Variants in TMEM217 observed in about 807,000 individuals in gnomAD.
The protein encoded by TMEM217 is transmembrane protein 217, also known as chromosome 6 open reading frame 128.
For missense variants in TMEM217, 204 were observed against 248.8 expected (o/e 0.82, Z 1.21); for synonymous variants, 76 against 88.3 (o/e 0.86, Z 0.78).
intron 1 of TMEM217, among the ~76,000 whole-genome samples, chr6:37,227,161 A>C (rs1407479716): frequency 2.0e-5 from 3 of 152,168 alleles, no homozygotes; most frequent in Non-Finnish European, 4.4e-5. Flanking sequence ...GGATTTTTGA[A>C]TCCACTGAGC....
chr6:37,244,209 A>T (rs1764941049), intron 1 of TMEM217, among the ~76,000 whole-genome samples: 1 of 152,234 alleles, frequency 6.6e-6, no homozygotes, highest in South Asian at 2.1e-4. Flanking sequence ...TGTAAACTAA[A>T]TTCTTTCCAA....
At chr6:37,213,348 G>A (rs376051844), downstream of TMEM217, among the ~76,000 whole-genome samples, 58 of 152,328 alleles carry the variant, frequency 3.8e-4, no homozygotes, top group Middle Eastern at 3.4e-3. Flanking sequence ...TGGTATGAAC[G>A]AAGCTCCCAT....
chr6:37,213,870 T>C (rs1763042136), downstream of TMEM217, among the ~76,000 whole-genome samples: 1 of 152,220 alleles, frequency 6.6e-6, no homozygotes, highest in South Asian at 2.1e-4. Flanking sequence ...TTCACTACAC[T>C]GGCGAGCTAC....
In TMEM217 at chr6:37,257,637, C is replaced by T. The variant is rs562922203; in HGVS notation, c.-81G>A. 1.1e-4 allele frequency: 48 copies of T among 450,612 alleles called. 1 individual carries two copies. In the South Asian group the frequency reaches 1.5e-3, roughly 14 times the overall value. The allele number at this position is 450,612 out of a possible 1,614,324, so 27.9% of individuals were successfully genotyped here. ...CGGCTCGTCCAAGCTCCGCCTTCCC[C>T]GTCCACCTGTGTGCCCAGCCCCTGA... On this transcript the variant is annotated 5_prime_UTR_variant, in exon 1 of 2. Coordinates refer to ENST00000357219, the Ensembl canonical transcript of TMEM217.
At chr6:37,252,783 T>G (rs1223272857) in intron 1 of TMEM217, among the ~76,000 whole-genome samples, 4 of 151,182 alleles carry the variant, frequency 2.6e-5, no homozygotes, top group African/African-American at 9.7e-5. Context: ...GGACCACAGG[T>G]GTGTGCCACC....
chr6:37,218,782 C>G, exon 2 of TMEM217: 1 of 1,614,094 alleles, frequency 6.2e-7, no homozygotes, highest in Non-Finnish European at 8.5e-7. Flanking sequence ...ACACTGAGTA[C>G]AGGAGGAAGC....
At chr6:37,232,858 T>C (rs1215770742) in intron 1 of TMEM217, among the ~76,000 whole-genome samples, 1 of 152,228 alleles carries the variant, frequency 6.6e-6, no homozygotes, top group African/African-American at 2.4e-5. Flanking sequence ...TTCTCTCACC[T>C]GTCTGGCAAC....
chr6:37,256,312 G>C (rs1765723906), intron 1 of TMEM217, among the ~76,000 whole-genome samples: 2 of 152,194 alleles, frequency 1.3e-5, no homozygotes, highest in African/African-American at 4.8e-5. Context: ...CTCTTCTAAA[G>C]TCCAAACAGC....
At chr6:37,249,480 C>A (rs2113917807) in intron 1 of TMEM217, among the ~76,000 whole-genome samples, 1 of 152,202 alleles carries the variant, frequency 6.6e-6, no homozygotes, top group East Asian at 1.9e-4. Flanking sequence ...CCACCATGCC[C>A]AGATAATTTT....
intron 1 of TMEM217, among the ~76,000 whole-genome samples, chr6:37,245,266 A>G (rs185640187): frequency 2.0e-4 from 31 of 152,346 alleles, no homozygotes; most frequent in African/African-American, 6.7e-4. Flanking sequence ...GGGTCACTGA[A>G]GACACTGCCA....
chr6:37,254,736 T>G (rs551237101), intron 1 of TMEM217, among the ~76,000 whole-genome samples: 1 of 152,304 alleles, frequency 6.6e-6, no homozygotes, highest in East Asian at 1.9e-4. Flanking sequence ...TTCTAGGTGC[T>G]GGGGATACAG....
intron 1 of TMEM217, among the ~76,000 whole-genome samples, chr6:37,245,357 A>C (rs1220544978): frequency 6.6e-6 from 1 of 152,212 alleles, no homozygotes. Flanking sequence ...TGCCACAGCT[A>C]TTCTCCCAAA....
downstream of TMEM217, chr6:37,215,102 C>A: frequency 6.6e-7 from 1 of 1,515,180 alleles, no homozygotes; most frequent in Non-Finnish European, 8.9e-7. Flanking sequence ...TCTCCACCCT[C>A]GGCACCTCTC....
At chr6:37,234,089 G>A (rs1764352015) in intron 1 of TMEM217, among the ~76,000 whole-genome samples, 3 of 144,182 alleles carry the variant, frequency 2.1e-5, no homozygotes, top group African/African-American at 7.8e-5. Flanking sequence ...GGTAGGTTAG[G>A]TGTATTAAAT....
downstream of TMEM217, among the ~76,000 whole-genome samples, chr6:37,215,610 A>C (rs1048499397): frequency 5.3e-5 from 8 of 151,286 alleles, no homozygotes; most frequent in Admixed American, 4.0e-4. Flanking sequence ...AAGAAAAGAA[A>C]AAAGAAAACT....
At chr6:37,228,816 T>C (rs1763993595) in intron 1 of TMEM217, among the ~76,000 whole-genome samples, 1 of 150,950 alleles carries the variant, frequency 6.6e-6, no homozygotes, top group African/African-American at 2.4e-5. Context: ...ACTAACACGG[T>C]GAAACCCCGT....
chr6:37,242,262 T>C (rs1289207104), intron 1 of TMEM217, among the ~76,000 whole-genome samples: 1 of 152,344 alleles, frequency 6.6e-6, no homozygotes, highest in South Asian at 2.1e-4. Context: ...CTCTGGGGTC[T>C]GGGAGAGAGT....
intron 1 of TMEM217, among the ~76,000 whole-genome samples, chr6:37,226,393 C>T (rs1356317880): frequency 6.9e-6 from 1 of 145,962 alleles, no homozygotes; most frequent in Non-Finnish European, 1.5e-5. Flanking sequence ...CCCGGGTTCA[C>T]GCCATTCTCC....
intron 1 of TMEM217, among the ~76,000 whole-genome samples, chr6:37,227,744 C>T (rs1218930091): frequency 6.6e-6 from 1 of 151,920 alleles, no homozygotes; most frequent in Non-Finnish European, 1.5e-5. Context: ...CCATTGCGCT[C>T]AGCCTAAATG....
Sources: gnomAD v4.1 joint callset for allele counts (sites outside exome capture counted in the v4.1 genomes callset) on GRCh38, gnomAD v4.1.1 for gene constraint, MANE v1.5 for transcripts, NCBI Gene and HGNC (gene_info 2026-07-23, HGNC 2026-07-21) for gene names.